RGPD4: variants seen among roughly 807,000 people sequenced by gnomAD.
RGPD4 encodes RANBP2 like and GRIP domain containing 4, also known as ranBP2-like and GRIP domain-containing protein 4.
RGPD4 carries 84 observed loss-of-function variants against 141.1 expected under a neutral mutation model. The observed-to-expected ratio is 0.60, with a 90% confidence interval of 0.50 to 0.71. The LOEUF (loss-of-function observed/expected upper bound fraction) is 0.71, where lower values mean the gene tolerates loss of function less well. RGPD4 is among the 30% of genes least tolerant of loss of function. The pLI is 0.00. For missense variants in RGPD4, 918 were observed against 1,622.4 expected (o/e 0.57, Z 7.46); for synonymous variants, 298 against 566.8 (o/e 0.53, Z 6.74).
Position 107,871,029 on chromosome 2 carries a change from G to T in RGPD4, c.3025G>T (p.Gly1009Cys), listed in dbSNP as rs561933655. Reference sequence around the variant, plus strand: ...AGAAAAATTATTCTCATCACAATGCGGTAAAATGGCCAATAAAGCAAACAC... The same window carrying T: ...AGAAAAATTATTCTCATCACAATGCTGTAAAATGGCCAATAAAGCAAACAC... ...AGEKLFSSQC[G>C]KMANKANTSG... Residue 1009 changes from glycine to cysteine, a missense_variant, in exon 20 of 23, where the codon GGT becomes TGT. Transcript: ENST00000408999. The T allele has an allele frequency of 6.2e-7, 1 of 1,610,868 alleles. No homozygotes were observed. The highest frequency in any genetic ancestry group is 1.3e-5 in the African/African-American group (1 of 74,182).
At chr2:107,830,776 T>C in intron 1 of RGPD4, among the ~76,000 whole-genome samples, 1 of 152,016 alleles carries the variant, frequency 6.6e-6, no homozygotes, top group Non-Finnish European at 1.5e-5. Flanking sequence ...AGGCTGGCCA[T>C]CTGTGAACTG....
At chr2:107,827,638 G>T (rs1169846565) in intron 1 of RGPD4, among the ~76,000 whole-genome samples, 1 of 45,924 alleles carries the variant, frequency 2.2e-5, no homozygotes, top group Admixed American at 1.7e-4. Flanking sequence ...CATGGCTCCC[G>T]ACGGGCGCTG....
At chr2:107,888,796 C>T (rs938465949) in intron 22 of RGPD4, among the ~76,000 whole-genome samples, 17 of 112,014 alleles carry the variant, frequency 1.5e-4, no homozygotes, top group Admixed American at 1.3e-3. Context: ...CCTTGAGGAA[C>T]TAAACTCTTC....
At chr2:107,844,922 G>A (rs1338189541) in intron 6 of RGPD4, among the ~76,000 whole-genome samples, 6 of 114,316 alleles carry the variant, frequency 5.2e-5, no homozygotes, top group Admixed American at 2.1e-4. Context: ...TGTAACCTCT[G>A]CCTCCCGGGT....
chr2:107,833,237 A>T (rs1661346), intron 1 of RGPD4, among the ~76,000 whole-genome samples: 1,958 of 142,742 alleles, frequency 0.014, 43 homozygotes, highest in African/African-American at 0.051. Context: ...CGTTTGAATT[A>T]AAAAAAAAAA....
chr2:107,872,071 T>C lies in RGPD4; in HGVS notation c.4067T>C (p.Val1356Ala). 2.5e-6 allele frequency: 4 copies of C among 1,611,622 alleles called. No individual in the cohort carries two copies. Among genetic ancestry groups the C allele is most frequent in the Non-Finnish European group, 3.4e-6 (4 of 1,179,834 alleles). The change falls in exon 20 of 23, where the codon GTT (valine) becomes GCT (alanine). Residue 1356 changes from valine to alanine, a missense_variant. Coordinates refer to ENST00000408999, the MANE Select transcript of RGPD4 (RefSeq NM_182588.3). ...TCCAGTGGTGAGGAAAATGAAAAAGTTGTTTTTAGTCACAGGGCAGAACTC... is the reference window on the plus strand; with the variant it reads ...TCCAGTGGTGAGGAAAATGAAAAAGCTGTTTTTAGTCACAGGGCAGAACTC... ...EVSSGEENEK[V>A]VFSHRAELYR...
At chr2:107,885,385 A>G (rs1573536379) in intron 22 of RGPD4, among the ~76,000 whole-genome samples, 1 of 152,218 alleles carries the variant, frequency 6.6e-6, no homozygotes. Flanking sequence ...ATCTCAAAAT[A>G]CTGAGCATGT....
intron 1 of RGPD4, among the ~76,000 whole-genome samples, chr2:107,832,785 C>T (rs1253437259): frequency 6.6e-6 from 1 of 151,588 alleles, no homozygotes; most frequent in Non-Finnish European, 1.5e-5. Context: ...TCTAGAAGTT[C>T]TGTTGTTAGG....
At chr2:107,880,839 A>C (rs1032787168) in intron 21 of RGPD4, among the ~76,000 whole-genome samples, 1 of 149,492 alleles carries the variant, frequency 6.7e-6, no homozygotes, top group Non-Finnish European at 1.5e-5. Flanking sequence ...CACCAGAAAC[A>C]TCTAGGAATG....
chr2:107,874,851 A>G (rs1683044359), intron 20 of RGPD4, among the ~76,000 whole-genome samples: 1 of 151,636 alleles, frequency 6.6e-6, no homozygotes, highest in Admixed American at 6.6e-5. Context: ...AAGAATCTGT[A>G]TCTTACGGTG....
chr2:107,858,227 A>C (rs894499574), intron 9 of RGPD4, among the ~76,000 whole-genome samples: 3 of 151,926 alleles, frequency 2.0e-5, no homozygotes, highest in African/African-American at 4.8e-5. Flanking sequence ...CACTGTTAAT[A>C]ATCATACTCT....
In RGPD4 at chr2:107,891,022, G is replaced by A. The variant is rs547080789; in HGVS notation, c.*291G>A. Among the ~76,000 whole-genome samples, 3 of 149,884 alleles carry A rather than the reference G, an allele frequency of 2.0e-5. No individual in the cohort carries two copies. Among genetic ancestry groups the A allele is most frequent in the Admixed American group, 6.7e-5 (1 of 15,004 alleles). ...CTAACTCATGTGATCTCCCATGCAT[G>A]CTGCCAGAATAAAACCACCAGGAAT... On this transcript the variant is annotated 3_prime_UTR_variant, in exon 23 of 23. Transcript: ENST00000408999.
chr2:107,882,121 G>A (rs1675383569), intron 21 of RGPD4, among the ~76,000 whole-genome samples: 1 of 151,844 alleles, frequency 6.6e-6, no homozygotes, highest in South Asian at 2.1e-4. Flanking sequence ...CAGTTCCCCA[G>A]CTTTCAACTC....
rs765043320 is a variant in RGPD4 at position 107,859,828 on chromosome 2, A to G, written c.1741A>G (p.Lys581Glu). 5.2e-5 allele frequency: 83 copies of G among 1,600,514 alleles called. 1 individual carries two copies. In the South Asian group the frequency reaches 7.0e-4, roughly 14 times the overall value. Residue 581 changes from lysine to glutamate, a missense_variant, in exon 12 of 23, where the codon AAA (lysine) becomes GAA (glutamate). Transcript: ENST00000408999. ...LQPALLVHWA[K>E]CLQKMGSGLN... ...ACCTGCTCTGCTTGTACATTGGGCAAAATGCCTTCAGAAAATGGTGAGTTT... is the reference window on the plus strand; with the variant it reads ...ACCTGCTCTGCTTGTACATTGGGCAGAATGCCTTCAGAAAATGGTGAGTTT...
chr2:107,832,771 A>G (rs1271965756), intron 1 of RGPD4, among the ~76,000 whole-genome samples: 3 of 151,752 alleles, frequency 2.0e-5, no homozygotes, highest in Non-Finnish European at 4.4e-5. Context: ...GCATTGCTCC[A>G]TTTTCTAGAA....
intron 21 of RGPD4, 48 bp downstream of exon 21, chr2:107,880,155 C>G: frequency 6.2e-7 from 1 of 1,609,420 alleles, no homozygotes; most frequent in South Asian, 1.1e-5. Flanking sequence ...ATTTGGTTTT[C>G]TGGACCCTCC....
chr2:107,888,024 G>GA (rs1675559663), intron 22 of RGPD4, among the ~76,000 whole-genome samples: 1 of 86,838 alleles, frequency 1.2e-5, no homozygotes, highest in African/African-American at 5.3e-5. Context: ...AGTAAATAAA[G>GA]AAAAAAAGCC....
chr2:107,889,213 T>A (rs832339), intron 22 of RGPD4, among the ~76,000 whole-genome samples: 76,608 of 104,454 alleles, frequency 0.73, 29,507 homozygotes, highest in African/African-American at 0.83. Flanking sequence ...TCACACAAAA[T>A]CCTATGCACA....
Position 107,827,053 on chromosome 2 carries a change from T to G in RGPD4, c.40T>G (p.Ser14Ala), listed in dbSNP as rs777148860. Reference sequence around the variant, plus strand: ...GGCCTACGGGGAGCGGTACGTCGCCTCCGTGCAGGGCTCCGCCCCGTCGCC... The same window carrying G: ...GGCCTACGGGGAGCGGTACGTCGCCGCCGTGCAGGGCTCCGCCCCGTCGCC... ...SKAYGERYVA[S>A]VQGSAPSPRK... The change falls in exon 1 of 23, where the codon TCC (serine) becomes GCC (alanine). Residue 14 changes from serine (S) to alanine (A), a missense_variant. By Grantham distance (99) the Ser-to-Ala change is moderately conservative. Transcript: ENST00000408999. 5 of 1,597,588 alleles carry G rather than the reference T, an allele frequency of 3.1e-6. No individual in the cohort carries two copies. In the South Asian group the frequency reaches 5.7e-5, roughly 18 times the overall value.
Sources: allele counts gnomAD v4.1 joint callset (sites outside exome capture counted in the v4.1 genomes callset), GRCh38; gene constraint gnomAD v4.1.1; transcripts MANE v1.5; gene names NCBI Gene and HGNC (gene_info 2026-07-23, HGNC 2026-07-21).